Variants in MTAP observed in about 807,000 individuals in gnomAD.
MTAP encodes S-methyl-5'-thioadenosine phosphorylase.
MTAP carries 33 observed loss-of-function variants against 33.6 expected under a neutral mutation model. The observed-to-expected ratio is 0.98, with a 90% CI of 0.74 to 1.31. MTAP has a LOEUF of 1.31. MTAP is among the 40% of genes most tolerant of loss of function. The probability of loss-of-function intolerance (pLI) is 0.00; values close to 1 mark genes in which losing one functional copy is unlikely to be tolerated. For missense variants in MTAP, 367 were observed against 360.0 expected (o/e 1.02, Z -0.16); for synonymous variants, 148 against 125.7 (o/e 1.18, Z -1.19).
chr9:21,934,683 A>T (rs1320643202), downstream of MTAP: 2 of 152,008 alleles, frequency 1.3e-5, no homozygotes, highest in African/African-American at 4.8e-5. This position sits in a 1 kb window ranked among gnomAD's most constrained non-coding sequence, Gnocchi z 5.0. Flanking sequence ...AAACAAAAAA[A>T]AACAAGTATT....
chr9:21,841,072 A>T (rs114187318), intron 5 of MTAP, among the ~76,000 whole-genome samples: 1 of 152,100 alleles, frequency 6.6e-6, no homozygotes, highest in Non-Finnish European at 1.5e-5. Context: ...CCATCCCCCA[A>T]TTTCCCACAG....
chr9:21,854,516 T>G, intron 5 of MTAP, 115 bp from the exon 6 acceptor site: 1 of 1,391,700 alleles, frequency 7.2e-7, no homozygotes, highest in East Asian at 2.3e-5. Context: ...AGTAGGCATT[T>G]ATTATAGTGA....
At chr9:21,814,132 A>T (rs906763746) in intron 1 of MTAP, among the ~76,000 whole-genome samples, 2 of 152,230 alleles carry the variant, frequency 1.3e-5, no homozygotes, top group East Asian at 3.8e-4. Context: ...CATGGGAAAC[A>T]GGCAGAGTTC....
At chr9:21,809,037 C>T (rs2117938200) in intron 1 of MTAP, 1 of 152,268 alleles carries the variant, frequency 6.6e-6, no homozygotes, top group Non-Finnish European at 1.5e-5. Flanking sequence ...TGGGGAAAAC[C>T]TATTTCCTTG....
chr9:21,834,242 G>C (rs1825046262), intron 4 of MTAP, among the ~76,000 whole-genome samples: 1 of 152,196 alleles, frequency 6.6e-6, no homozygotes. Flanking sequence ...CCCGTTTAAG[G>C]AAACTGATAT....
At position 21,862,250 on chromosome 9, in the gene MTAP, A is replaced by G. The variant is rs1480320915; in HGVS notation, c.*236A>G. ...TAGTAAACATGTGGGAAAAAATATT[A>G]CATTTTAAGGGGGAAAAAAAAACCC... On this transcript the variant is annotated 3_prime_UTR_variant, in exon 8 of 8. Transcript: ENST00000644715. The G allele has an allele frequency of 3.2e-5, 34 of 1,073,998 alleles. No individual in the cohort carries two copies. The Admixed American group carries it at 1.3e-3, about 42-fold the overall frequency. The allele number at this position is 1,073,998 out of a possible 1,614,324, so 66.5% of individuals were successfully genotyped here.
chr9:21,866,394 A>G lies in MTAP; in HGVS notation c.*4380A>G, dbSNP rs1486485348. The stretch of plus-strand genomic sequence containing the variant: ...TTTTCATTTTGACGAAGCCTAGTTT[A>G]TCAATTTTTTTTATGGTTGGTGCTT... On this transcript the variant is annotated 3_prime_UTR_variant, in exon 8 of 8. Coordinates refer to ENST00000644715, the MANE Select transcript of MTAP (RefSeq NM_002451.4). The G allele has an allele frequency of 5.3e-5, 8 of 152,216 alleles. No individual in the cohort carries two copies. Among genetic ancestry groups the G allele is most frequent in the East Asian group, 1.9e-4 (1 of 5,182 alleles). 9.4% of individuals were successfully genotyped at this position (152,216 alleles called of 1,614,324 possible).
At chr9:21,836,051 C>T (rs1041399982) in intron 4 of MTAP, among the ~76,000 whole-genome samples, 1 of 152,054 alleles carries the variant, frequency 6.6e-6, no homozygotes, top group Non-Finnish European at 1.5e-5. Flanking sequence ...GTTGTGAGGC[C>T]CCATCTGGTG....
chr9:21,803,537 A>G (rs1824124713), intron 1 of MTAP, among the ~76,000 whole-genome samples: 1 of 152,076 alleles, frequency 6.6e-6, no homozygotes, highest in Admixed American at 6.6e-5. Context: ...GCCTTGATAC[A>G]AGGGGTCATT....
intron 4 of MTAP, among the ~76,000 whole-genome samples, chr9:21,833,671 C>CA (rs1294612948): frequency 6.6e-6 from 1 of 152,188 alleles, no homozygotes; most frequent in Admixed American, 6.5e-5. Flanking sequence ...TTAATTGACT[C>CA]ACGATTCTGC....
chr9:21,845,250 C>A (rs184627117), intron 5 of MTAP, among the ~76,000 whole-genome samples: 3 of 152,218 alleles, frequency 2.0e-5, no homozygotes, highest in Admixed American at 2.0e-4. Context: ...TGTTGCTGTT[C>A]ACCAATGATA....
At chr9:21,820,825 T>C (rs1824616710) in intron 4 of MTAP, among the ~76,000 whole-genome samples, 2 of 152,236 alleles carry the variant, frequency 1.3e-5, no homozygotes, top group African/African-American at 4.8e-5. Flanking sequence ...TAGTTCTCCT[T>C]GAAGAGGTCC....
At chr9:21,896,292 T>A (rs1293579956) in intron 1 of MTAP, among the ~76,000 whole-genome samples, 2 of 152,016 alleles carry the variant, frequency 1.3e-5, no homozygotes. Context: ...GCAGGAAAGA[T>A]CTAAAATTGA....
chr9:21,892,717 T>C (rs1306537601), intron 1 of MTAP: 5 of 152,168 alleles, frequency 3.3e-5, no homozygotes, highest in African/African-American at 1.2e-4. Flanking sequence ...AGACAGATCA[T>C]TGAGGCAGAG....
At chr9:21,845,589 A>C (rs894817356) in intron 5 of MTAP, among the ~76,000 whole-genome samples, 5 of 152,174 alleles carry the variant, frequency 3.3e-5, no homozygotes, top group African/African-American at 1.2e-4. Context: ...AATTCTTACA[A>C]AAGCAATCTG....
At chr9:21,887,079 G>A (rs745776820) in intron 1 of MTAP, among the ~76,000 whole-genome samples, 1 of 152,058 alleles carries the variant, frequency 6.6e-6, no homozygotes, top group African/African-American at 2.4e-5. Flanking sequence ...AACATGGGAT[G>A]TGTTTTCATT....
Position 21,864,931 on chromosome 9 carries a change from C to T in MTAP, c.*2917C>T, listed in dbSNP as rs1343694626. The T allele has an allele frequency of 5.1e-6, 5 of 985,320 alleles. No individual in the cohort carries two copies. In the East Asian group the frequency reaches 5.7e-4, roughly 112 times the overall value. 61.0% of individuals were successfully genotyped at this position (985,320 alleles called of 1,614,324 possible). ...AATTATTCATTCTTGTGACAGTGGCCTGAACATGTTTTTAATTTTCTCAAC... is the reference window on the plus strand; with the variant it reads ...AATTATTCATTCTTGTGACAGTGGCTTGAACATGTTTTTAATTTTCTCAAC... On this transcript the variant is annotated 3_prime_UTR_variant, in exon 8 of 8. Coordinates refer to ENST00000644715, the MANE Select transcript of MTAP (RefSeq NM_002451.4).
At chr9:21,830,183 GA>G in intron 4 of MTAP, among the ~76,000 whole-genome samples, 1 of 152,320 alleles carries the variant, frequency 6.6e-6, no homozygotes, top group South Asian at 2.1e-4. Flanking sequence ...TCTTGGTCTA[GA>G]ACTTAAATTC....
At chr9:21,940,022 T>G (rs1819110453), downstream of MTAP, among the ~76,000 whole-genome samples, 1 of 152,224 alleles carries the variant, frequency 6.6e-6, no homozygotes, top group Non-Finnish European at 1.5e-5. Flanking sequence ...GGCTCACGCC[T>G]GTAATCCCAG....
Sources: gnomAD v4.1 joint callset for allele counts (sites outside exome capture counted in the v4.1 genomes callset) on GRCh38, gnomAD v4.1.1 for gene constraint, Gnocchi (gnomAD v3.1) non-coding constraint, MANE v1.5 for transcripts, NCBI Gene and HGNC (gene_info 2026-07-23, HGNC 2026-07-21) for gene names.